SYNPR: variants seen among roughly 807,000 people sequenced by gnomAD.
SYNPR encodes the protein synaptoporin.
In SYNPR, 23 loss-of-function variants were observed where a neutral mutation model predicts 32.9. That is an observed-to-expected ratio of 0.70 (90% CI 0.50 to 0.99). The LOEUF is 0.99. Among genes scored for constraint, SYNPR ranks in the 50% least tolerant of loss-of-function variants. The pLI is 0.00. For synonymous variants in SYNPR, 146 were observed against 135.9 expected (o/e 1.07, Z -0.52); for missense variants, 318 against 349.3 (o/e 0.91, Z 0.71).
chr3:63,431,732 A>G (rs1394391178), intron 2 of SYNPR, among the ~76,000 whole-genome samples: 1 of 151,314 alleles, frequency 6.6e-6, no homozygotes, highest in Non-Finnish European at 1.5e-5. Context: ...TAAAAACAAA[A>G]CCAACAAACG....
the SYNPR span, among the ~76,000 whole-genome samples, chr3:63,218,118 G>C: frequency 6.6e-6 from 1 of 152,096 alleles, no homozygotes; most frequent in African/African-American, 2.4e-5. Flanking sequence ...GAGTAACAGA[G>C]CAAGACCTTG....
chr3:63,238,341 ATCAT>A (rs766335776), intron 1 of SYNPR, among the ~76,000 whole-genome samples: 2 of 152,054 alleles, frequency 1.3e-5, no homozygotes, highest in African/African-American at 2.4e-5. Flanking sequence ...GTTTGAACAA[ATCAT>A]TCAATTTTTT....
intron 1 of SYNPR, 46 bp downstream of exon 1, chr3:63,278,597 G>T (rs1003360583): frequency 6.4e-7 from 1 of 1,550,656 alleles, no homozygotes; most frequent in African/African-American, 1.4e-5. Context: ...CAGGGGGCGG[G>T]GGATGCCGCG....
At chr3:63,320,368 C>A (rs139197848) in intron 2 of SYNPR, among the ~76,000 whole-genome samples, 439 of 152,142 alleles carry the variant, frequency 2.9e-3, no homozygotes, top group Non-Finnish European at 5.0e-3. Flanking sequence ...AGAACAGAAT[C>A]ATTTTATGGC....
At chr3:63,336,844 A>C (rs549973973) in intron 2 of SYNPR, among the ~76,000 whole-genome samples, 1 of 152,198 alleles carries the variant, frequency 6.6e-6, no homozygotes, top group Admixed American at 6.5e-5. Flanking sequence ...TTTGTAAAAC[A>C]TATATGTGAT....
intron 2 of SYNPR, among the ~76,000 whole-genome samples, chr3:63,399,700 T>C (rs1266554771): frequency 6.6e-6 from 1 of 152,156 alleles, no homozygotes; most frequent in Non-Finnish European, 1.5e-5. Flanking sequence ...TTGCCTGTGG[T>C]AGACTAGGTT....
chr3:63,448,848 T>G (rs914078244), intron 2 of SYNPR, among the ~76,000 whole-genome samples: 1 of 152,206 alleles, frequency 6.6e-6, no homozygotes. Flanking sequence ...TGTGTTTTCT[T>G]AAAAGCATAA....
chr3:63,275,071 T>C (rs1032264638), upstream of SYNPR, among the ~76,000 whole-genome samples: 5 of 152,244 alleles, frequency 3.3e-5, no homozygotes, highest in Non-Finnish European at 7.3e-5. Flanking sequence ...GGATCATTTA[T>C]GCCCCACCAA....
chr3:63,593,875 C>A (rs1349452175), intron 4 of SYNPR, among the ~76,000 whole-genome samples: 1 of 152,244 alleles, frequency 6.6e-6, no homozygotes, highest in East Asian at 1.9e-4. Context: ...GAGAACAGAT[C>A]TCCCTTGGCT....
intron 2 of SYNPR, among the ~76,000 whole-genome samples, chr3:63,301,423 A>G (rs942112140): frequency 1.3e-5 from 2 of 152,146 alleles, no homozygotes; most frequent in Middle Eastern, 3.2e-3. Context: ...AACAAAATTT[A>G]TAAAAGACTC....
chr3:63,520,172 C>A (rs1701878765), intron 3 of SYNPR, among the ~76,000 whole-genome samples: 1 of 152,096 alleles, frequency 6.6e-6, no homozygotes, highest in African/African-American at 2.4e-5. Flanking sequence ...TACTTTAAGC[C>A]CTTTCTTCTC....
chr3:63,334,067 C>T (rs1210084760), intron 2 of SYNPR, among the ~76,000 whole-genome samples: 1 of 152,188 alleles, frequency 6.6e-6, no homozygotes, highest in Admixed American at 6.5e-5. Context: ...TGTGCTATTT[C>T]AGTCAAGTAC....
intron 5 of SYNPR, 82 bp downstream of exon 5, chr3:63,609,398 C>A: frequency 7.7e-7 from 1 of 1,303,590 alleles, no homozygotes; most frequent in Non-Finnish European, 1.0e-6. Flanking sequence ...CAGAAGTCAT[C>A]TTGAAAATTG....
the SYNPR span, among the ~76,000 whole-genome samples, chr3:63,218,833 T>C: frequency 6.6e-6 from 1 of 152,212 alleles, no homozygotes; most frequent in Non-Finnish European, 1.5e-5. Flanking sequence ...TATGTTAAGA[T>C]TGGTTCTGCG....
chr3:63,500,587 A>T (rs1411842343), intron 3 of SYNPR, among the ~76,000 whole-genome samples: 1 of 152,216 alleles, frequency 6.6e-6, no homozygotes, highest in African/African-American at 2.4e-5. Context: ...GACTGTAATG[A>T]TCATACAGTG....
chr3:63,566,076 G>C (rs1189506586), intron 4 of SYNPR, among the ~76,000 whole-genome samples: 2 of 152,084 alleles, frequency 1.3e-5, no homozygotes, highest in Non-Finnish European at 2.9e-5. Context: ...TCCAGTTTTA[G>C]ATGTTACTCA....
intron 2 of SYNPR, among the ~76,000 whole-genome samples, chr3:63,467,633 A>C (rs1044304400): frequency 4.6e-5 from 7 of 152,244 alleles, no homozygotes; most frequent in African/African-American, 1.7e-4. Flanking sequence ...CTCACTAAGT[A>C]GCAGCAGCAG....
chr3:63,217,597 C>T, the SYNPR span, among the ~76,000 whole-genome samples: 3 of 138,844 alleles, frequency 2.2e-5, no homozygotes. Flanking sequence ...CACTGGCCTG[C>T]GCCCACTGTC....
chr3:63,511,139 TGGACCCTGAGTAC>T, intron 3 of SYNPR, among the ~76,000 whole-genome samples: 1 of 59,148 alleles, frequency 1.7e-5, no homozygotes. Flanking sequence ...TTGGGAATCA[TGGACCCTGAGTAC>T]TGGGAATCAT....
Sources: gnomAD v4.1 joint callset for allele counts (sites outside exome capture counted in the v4.1 genomes callset) on GRCh38, gnomAD v4.1.1 for gene constraint, MANE v1.5 for transcripts, NCBI Gene and HGNC (gene_info 2026-07-23, HGNC 2026-07-21) for gene names.